The following AIF1L variants were observed in gnomAD, a reference collection of about 807,000 sequenced individuals.
AIF1L encodes the protein allograft inflammatory factor 1-like.
AIF1L carries 12 observed loss-of-function variants against 20.7 expected under a neutral mutation model. That is an observed-to-expected ratio of 0.58 (90% CI 0.37 to 0.94). The LOEUF is 0.94. Ranked by LOEUF, AIF1L falls within the 40% of genes least tolerant of loss-of-function variation. The pLI is 0.01. For missense variants in AIF1L, 173 were observed against 185.3 expected (o/e 0.93, Z 0.39); for synonymous variants, 76 against 65.1 (o/e 1.17, Z -0.81).
chr9:131,120,213 C>A (rs777988844), intron 5 of AIF1L, 22 bp from the exon 6 acceptor site: 2 of 1,605,138 alleles, frequency 1.2e-6, no homozygotes, highest in East Asian at 4.5e-5. Context: ...TTCTTTTTTT[C>A]TTTTCTCCAT....
intron 3 of AIF1L, chr9:131,112,071 C>T (rs1027769257): frequency 5.5e-6 from 1 of 183,110 alleles, no homozygotes; most frequent in Non-Finnish European, 1.2e-5. Flanking sequence ...GGAGAATGGA[C>T]GTTTGTGTCA....
intron 2 of AIF1L, among the ~76,000 whole-genome samples, chr9:131,108,606 G>T (rs937427674): frequency 9.9e-5 from 15 of 152,208 alleles, no homozygotes; most frequent in Admixed American, 2.6e-4. Flanking sequence ...AGATAGCACA[G>T]TGTCTGCTAC....
intron 4 of AIF1L, among the ~76,000 whole-genome samples, chr9:131,116,835 C>A (rs192183702): frequency 6.6e-6 from 1 of 152,246 alleles, no homozygotes; most frequent in Non-Finnish European, 1.5e-5. Context: ...TCTGGCAGTG[C>A]GTGTGCAGCC....
intron 2 of AIF1L, among the ~76,000 whole-genome samples, chr9:131,105,991 T>A (rs1387379683): frequency 2.0e-5 from 3 of 152,094 alleles, no homozygotes; most frequent in Non-Finnish European, 4.4e-5. Flanking sequence ...GCTAATTTTT[T>A]AATTTTTTGT....
rs987418767 is a variant in AIF1L at position 131,122,307 on chromosome 9, G to C, written c.*1985G>C. Reference sequence around the variant, plus strand: ...AATGGCCAGGTTGGGTTAACCCACTGGTTTCAACCAGTTCAGGAATGAGGT... The same window carrying C: ...AATGGCCAGGTTGGGTTAACCCACTCGTTTCAACCAGTTCAGGAATGAGGT... On this transcript the variant is annotated 3_prime_UTR_variant, in exon 6 of 6. Transcript: ENST00000247291. 2 of 152,580 alleles carry C rather than the reference G, an allele frequency of 1.3e-5. No homozygotes were observed. The highest frequency in any genetic ancestry group is 2.9e-5 in the Non-Finnish European group (2 of 68,026). 9.5% of individuals were successfully genotyped at this position (152,580 alleles called of 1,614,324 possible).
intron 3 of AIF1L, chr9:131,114,202 G>A: frequency 4.2e-6 from 1 of 238,150 alleles, no homozygotes; most frequent in Non-Finnish European, 8.6e-6. Flanking sequence ...CCCCCACCCT[G>A]TCCTTCCACA....
At chr9:131,098,946 G>A (rs1830583565) in intron 2 of AIF1L, among the ~76,000 whole-genome samples, 1 of 152,174 alleles carries the variant, frequency 6.6e-6, no homozygotes, top group South Asian at 2.1e-4. Context: ...CCTGTAGGAA[G>A]GAGGCGCCAG....
chr9:131,113,233 C>T (rs183362908), intron 3 of AIF1L, among the ~76,000 whole-genome samples: 2 of 151,596 alleles, frequency 1.3e-5, no homozygotes, highest in African/African-American at 4.8e-5. Context: ...CACGGTGGCT[C>T]ACACCTGTAA....
rs1043168783 is a variant in AIF1L at position 131,122,736 on chromosome 9, G to C, written c.*2414G>C. 1 of 152,354 alleles carries C rather than the reference G, an allele frequency of 6.6e-6. No individual in the cohort carries two copies. The allele number at this position is 152,354 out of a possible 1,614,324, so 9.4% of individuals were successfully genotyped here. On this transcript the variant is annotated 3_prime_UTR_variant, in exon 6 of 6. Transcript: ENST00000247291. ...CCCAGCTTCTGGAAATGGCAGAAGA[G>C]AGGGTTTTCTCATTGAATGGGGGTG...
At position 131,121,399 on chromosome 9, in the gene AIF1L, C is replaced by G. The variant is rs79450715; in HGVS notation, c.*1077C>G. The G allele has an allele frequency of 2.3e-3, 814 of 353,654 alleles. 12 individuals carry two copies. In the East Asian group the frequency reaches 0.033, roughly 14 times the overall value. 21.9% of individuals were successfully genotyped at this position (353,654 alleles called of 1,614,324 possible). On this transcript the variant is annotated 3_prime_UTR_variant, in exon 6 of 6. Transcript: ENST00000247291. ...CGGTCTAACTCATCTCTCCCCAGAT[C>G]TCTCAGAACCTTGAGCTTGGGAATT...
rs187139468 is a variant in AIF1L, at chr9:131,097,638, C to T, written c.93+775C>T. On this transcript the variant is annotated intron_variant, in intron 2 of 5. Transcript: ENST00000247291. ...AGAGCTCCATAAATTTACATAGATT[C>T]TAGAAGATAAGGAAAGATATCAGGA... is the stretch of plus-strand genomic sequence containing the variant. 2.9e-3 allele frequency among the ~76,000 whole-genome samples: 442 copies of T among 152,344 alleles called. 2 individuals carry two copies. Among genetic ancestry groups the T allele is most frequent in the African/African-American group, 0.01 (430 of 41,578 alleles).
chr9:131,108,361 G>A (rs11789507), intron 2 of AIF1L, among the ~76,000 whole-genome samples: 35,633 of 151,714 alleles, frequency 0.23, 4,627 homozygotes, highest in African/African-American at 0.33. Context: ...CCCCATGCCC[G>A]GCTAATTTTT....
At chr9:131,100,625 T>C (rs576875408) in intron 2 of AIF1L, among the ~76,000 whole-genome samples, 1 of 152,364 alleles carries the variant, frequency 6.6e-6, no homozygotes, top group South Asian at 2.1e-4. Flanking sequence ...GCAGCACTAC[T>C]GGAGTGGGCA....
chr9:131,112,664 G>A (rs1830919034), intron 3 of AIF1L, among the ~76,000 whole-genome samples: 1 of 152,112 alleles, frequency 6.6e-6, no homozygotes, highest in South Asian at 2.1e-4. Flanking sequence ...GTTGGGACTT[G>A]AACTCATGTC....
At position 131,114,287 on chromosome 9, in the gene AIF1L, G is replaced by A. The variant is rs1398529084; in HGVS notation, c.161-290G>A. The A allele has an allele frequency of 9.6e-6, 4 of 417,446 alleles. No individual in the cohort carries two copies. The East Asian group carries it at 1.9e-4, about 20-fold the overall frequency. 25.9% of individuals were successfully genotyped at this position (417,446 alleles called of 1,614,324 possible). A position where few individuals can be genotyped will look rare whatever the true frequency, so the allele number is the denominator to read the frequency against. On this transcript the variant is annotated intron_variant, in intron 3 of 5. Coordinates refer to ENST00000247291, the MANE Select transcript of AIF1L (RefSeq NM_031426.4). ...ACTAACTCAGATGCAGCTGGTCTGT[G>A]CTGCTGGGGACCCGGGAGAAAGCAG... is the stretch of plus-strand genomic sequence containing the variant.
intron 2 of AIF1L, among the ~76,000 whole-genome samples, chr9:131,109,451 T>C (rs1830825001): frequency 6.6e-6 from 1 of 152,096 alleles, no homozygotes. Flanking sequence ...CCCAGCTACT[T>C]GGGAGGCTGA....
At chr9:131,109,310 G>A (rs1830822073) in intron 2 of AIF1L, among the ~76,000 whole-genome samples, 2 of 152,288 alleles carry the variant, frequency 1.3e-5, no homozygotes, top group Admixed American at 1.3e-4. Flanking sequence ...TGTAATCCCA[G>A]CACTTTGGGA....
intron 2 of AIF1L, chr9:131,106,389 G>C: frequency 1.4e-6 from 1 of 731,010 alleles, no homozygotes; most frequent in East Asian, 2.7e-5. Context: ...TCAGTAAGCA[G>C]TGGCAGTGGA....
chr9:131,111,142 C>T (rs1187435663), intron 2 of AIF1L, among the ~76,000 whole-genome samples: 1 of 147,954 alleles, frequency 6.8e-6, no homozygotes, highest in Non-Finnish European at 1.5e-5. Flanking sequence ...CGCCATTGCA[C>T]ACCAGCCTGG....
Sources: allele counts gnomAD v4.1 joint callset (sites outside exome capture counted in the v4.1 genomes callset), GRCh38; gene constraint gnomAD v4.1.1; transcripts MANE v1.5; gene names NCBI Gene and HGNC (gene_info 2026-07-23, HGNC 2026-07-21).